The following JAM3 variants were observed in gnomAD, a reference collection of about 807,000 sequenced individuals.
The protein encoded by JAM3 is junctional adhesion molecule 3, also known as junctional adhesion molecule C.
Under a neutral mutation model 39.4 loss-of-function variants are expected in JAM3, and 31 were observed. That is an observed-to-expected ratio of 0.79 (90% CI 0.59 to 1.06). JAM3 has a LOEUF of 1.06. JAM3 is among the 50% of genes least tolerant of loss of function. The probability of loss-of-function intolerance (pLI) is 0.00; values close to 1 mark genes in which losing one functional copy is unlikely to be tolerated. For synonymous variants in JAM3, 182 were observed against 148.7 expected, an observed-to-expected ratio of 1.22 and a Z score of -1.63; for missense variants, 455 against 391.4, an observed-to-expected ratio of 1.16 and a Z score of -1.37.
intron 3 of JAM3, among the ~76,000 whole-genome samples, chr11:134,141,649 G>T (rs1467687963): frequency 6.6e-6 from 1 of 152,080 alleles, no homozygotes; most frequent in Non-Finnish European, 1.5e-5. Flanking sequence ...AGAGGCCCAA[G>T]TCAGAGGCCT....
At chr11:134,139,737 T>C in intron 1 of JAM3, 114 bp from the exon 2 acceptor site, 1 of 810,108 alleles carries the variant, frequency 1.2e-6, no homozygotes, top group Non-Finnish European at 2.2e-6. Context: ...TATTTTTCCA[T>C]CCTCTGTGGT....
intron 3 of JAM3, among the ~76,000 whole-genome samples, chr11:134,141,126 T>A (rs10894780): frequency 0.15 from 23,083 of 151,998 alleles, 1,912 homozygotes; most frequent in African/African-American, 0.22. Flanking sequence ...AAGGACCATA[T>A]GTTTCAGCAA....
chr11:134,075,487 A>G (rs1484268269), intron 1 of JAM3, among the ~76,000 whole-genome samples: 2 of 149,554 alleles, frequency 1.3e-5, no homozygotes, highest in Non-Finnish European at 3.0e-5. Context: ...TTATTGCTCT[A>G]TCTGGGGTCT....
chr11:134,112,953 A>C (rs934489824), intron 1 of JAM3, among the ~76,000 whole-genome samples: 5 of 152,286 alleles, frequency 3.3e-5, no homozygotes, highest in Admixed American at 1.3e-4. Flanking sequence ...GTGATGGGCT[A>C]GGGCCTGGAG....
intron 1 of JAM3, among the ~76,000 whole-genome samples, chr11:134,128,688 C>T (rs947776518): frequency 1.3e-5 from 2 of 151,600 alleles, no homozygotes; most frequent in African/African-American, 4.9e-5. Context: ...GAAGAAGGTG[C>T]CTGCTTCCCC....
chr11:134,096,291 G>T (rs1941981661), intron 1 of JAM3, among the ~76,000 whole-genome samples: 1 of 152,170 alleles, frequency 6.6e-6, no homozygotes, highest in Non-Finnish European at 1.5e-5. Context: ...TTTATGTAAT[G>T]AACTGACATC....
chr11:134,140,452 A>T lies in JAM3; in HGVS notation c.143-205A>T, dbSNP rs547361120. Among the ~76,000 whole-genome samples the T allele has an allele frequency of 3.3e-5, 5 of 152,316 alleles. No homozygotes were observed. In the South Asian group the frequency reaches 1.0e-3, roughly 32 times the overall value. On this transcript the variant is annotated intron_variant, in intron 2 of 8. Coordinates refer to ENST00000299106, the MANE Select transcript of JAM3 (RefSeq NM_032801.5). ...CAAGCAGGGTGTTTAAGGGAGGGGT[A>T]CACTATGTAGTAAAATCCTTGCTAA...
chr11:134,122,960 A>G (rs1355751477), intron 1 of JAM3, among the ~76,000 whole-genome samples: 1 of 152,204 alleles, frequency 6.6e-6, no homozygotes, highest in Admixed American at 6.5e-5. Flanking sequence ...AGTTTCTGGG[A>G]TATCCACTTA....
chr11:134,087,841 C>G (rs1448749626), intron 1 of JAM3, among the ~76,000 whole-genome samples: 2 of 152,170 alleles, frequency 1.3e-5, no homozygotes, highest in Non-Finnish European at 2.9e-5. Flanking sequence ...ATTCTGTAAA[C>G]CAGTGTTTAT....
At chr11:134,084,968 AGGTG>A (rs142994587) in intron 1 of JAM3, among the ~76,000 whole-genome samples, 23,062 of 152,062 alleles carry the variant, frequency 0.15, 1,884 homozygotes, top group African/African-American at 0.22. Context: ...GGGATCACTT[AGGTG>A]GTCCACAGCC....
chr11:134,089,511 C>T (rs544021409), intron 1 of JAM3, among the ~76,000 whole-genome samples: 2 of 152,002 alleles, frequency 1.3e-5, no homozygotes, highest in Admixed American at 6.6e-5. Flanking sequence ...TCCTGTGTCC[C>T]TGTGTTCTCA....
intron 1 of JAM3, among the ~76,000 whole-genome samples, chr11:134,111,363 C>G (rs536857663): frequency 6.6e-6 from 1 of 151,924 alleles, no homozygotes; most frequent in Non-Finnish European, 1.5e-5. Context: ...AGCATGGTCT[C>G]AATCTCCTGA....
At chr11:134,101,071 C>A (rs1467130590) in intron 1 of JAM3, among the ~76,000 whole-genome samples, 1 of 152,094 alleles carries the variant, frequency 6.6e-6, no homozygotes, top group Non-Finnish European at 1.5e-5. Flanking sequence ...AGATATTGCC[C>A]CATTCTAAAC....
intron 1 of JAM3, among the ~76,000 whole-genome samples, chr11:134,111,884 T>C (rs1337199426): frequency 1.3e-5 from 2 of 152,330 alleles, no homozygotes; most frequent in East Asian, 1.9e-4. Context: ...CCCTCAGTTA[T>C]AATGGAAGCC....
At chr11:134,101,218 G>A (rs556240888) in intron 1 of JAM3, among the ~76,000 whole-genome samples, 6 of 152,298 alleles carry the variant, frequency 3.9e-5, no homozygotes, top group African/African-American at 1.4e-4. Flanking sequence ...TAATTGTAAT[G>A]GCAAATTAAT....
intron 1 of JAM3, among the ~76,000 whole-genome samples, chr11:134,107,034 T>G (rs1033924903): frequency 2.0e-5 from 3 of 152,182 alleles, no homozygotes; most frequent in South Asian, 2.1e-4. Flanking sequence ...CATGCACACG[T>G]ATGTGTATTG....
At chr11:134,077,468 AT>A (rs1399677081) in intron 1 of JAM3, among the ~76,000 whole-genome samples, 4 of 149,274 alleles carry the variant, frequency 2.7e-5, no homozygotes, top group Non-Finnish European at 5.9e-5. Flanking sequence ...GGTTCAAGTG[AT>A]TCTCCTGCTT....
At chr11:134,127,334 G>A (rs979603347) in intron 1 of JAM3, among the ~76,000 whole-genome samples, 4 of 152,308 alleles carry the variant, frequency 2.6e-5, no homozygotes, top group African/African-American at 9.6e-5. Context: ...CCTACTTCTG[G>A]AACTATGATG....
intron 6 of JAM3, 21 bp downstream of exon 6, chr11:134,146,066 G>T (rs1460000998): frequency 6.7e-7 from 1 of 1,489,012 alleles, no homozygotes; most frequent in South Asian, 1.1e-5. Context: ...TTTTTGAAGA[G>T]GTTTCATCGC....
Sources: gnomAD v4.1 joint callset for allele counts (sites outside exome capture counted in the v4.1 genomes callset) on GRCh38, gnomAD v4.1.1 for gene constraint, MANE v1.5 for transcripts, NCBI Gene and HGNC (gene_info 2026-07-23, HGNC 2026-07-21) for gene names.